Variants in OR6N1 observed in about 807,000 individuals in gnomAD.
OR6N1 encodes the protein olfactory receptor 6N1.
For synonymous variants in OR6N1, 170 were observed against 150.7 expected, an observed-to-expected ratio of 1.13 and a Z score of -0.94; for missense variants, 394 against 371.7, an observed-to-expected ratio of 1.06 and a Z score of -0.49.
At chr1:158,823,199 G>C in the OR6N1 span, among the ~76,000 whole-genome samples, 1 of 152,144 alleles carries the variant, frequency 6.6e-6, no homozygotes, top group Non-Finnish European at 1.5e-5. Flanking sequence ...CCAGGTTTTA[G>C]TATCAGGATG....
the OR6N1 span, among the ~76,000 whole-genome samples, chr1:158,811,764 C>T: frequency 8.4e-3 from 1,274 of 152,286 alleles, 9 homozygotes; most frequent in African/African-American, 0.026. Flanking sequence ...GATTTTCACA[C>T]GGATCACATC....
chr1:158,816,281 T>C, the OR6N1 span, among the ~76,000 whole-genome samples: 1 of 152,232 alleles, frequency 6.6e-6, no homozygotes. Flanking sequence ...TGAGCACCTC[T>C]TAAGTGTCAG....
chr1:158,792,066 C>A, the OR6N1 span, among the ~76,000 whole-genome samples: 1 of 152,162 alleles, frequency 6.6e-6, no homozygotes, highest in South Asian at 2.1e-4. Flanking sequence ...CTTTATAAAT[C>A]TGGGGACTCC....
At chr1:158,812,424 C>T in the OR6N1 span, among the ~76,000 whole-genome samples, 1 of 152,196 alleles carries the variant, frequency 6.6e-6, no homozygotes, top group Admixed American at 6.5e-5. Flanking sequence ...AATTTCTTCT[C>T]ATGAGATCTT....
rs769718365 is a variant in OR6N1, at chr1:158,766,134, A to G, written c.549T>C (p.Pro183=). 1.2e-6 allele frequency: 2 copies of G among 1,614,090 alleles called. No homozygotes were observed. Among genetic ancestry groups the G allele is most frequent in the East Asian group, 4.5e-5 (2 of 44,876 alleles). The part of the protein sequence containing the change: ...RIQHVFCDFP[P]VLSLACTDTS... ...TATCAGTGCAAGCCAAACTCAGCACAGGAGGGAAGTCACAAAAGACGTGCT... is the reference window on the plus strand; with the variant it reads ...TATCAGTGCAAGCCAAACTCAGCACGGGAGGGAAGTCACAAAAGACGTGCT... The change falls in exon 2 of 2, where the codon CCT becomes CCC. Residue 183 remains proline, a synonymous_variant. Transcript: ENST00000641846.
At chr1:158,830,478 A>G in the OR6N1 span, among the ~76,000 whole-genome samples, 1 of 152,168 alleles carries the variant, frequency 6.6e-6, no homozygotes, top group Non-Finnish European at 1.5e-5. Context: ...TTTTCCAGTC[A>G]TGACCACATT....
At chr1:158,833,002 T>C in the OR6N1 span, among the ~76,000 whole-genome samples, 1 of 152,130 alleles carries the variant, frequency 6.6e-6, no homozygotes, top group Non-Finnish European at 1.5e-5. Context: ...TTCTTATTTT[T>C]AAAAAATCTA....
the OR6N1 span, among the ~76,000 whole-genome samples, chr1:158,813,386 TTTG>T: frequency 6.6e-6 from 1 of 152,034 alleles, no homozygotes; most frequent in Non-Finnish European, 1.5e-5. Context: ...AAATGGGAGA[TTTG>T]TTAAATCTCC....
the OR6N1 span, among the ~76,000 whole-genome samples, chr1:158,790,768 A>T: frequency 2.0e-5 from 3 of 152,062 alleles, no homozygotes; most frequent in East Asian, 3.9e-4. Flanking sequence ...AATAGTATTA[A>T]TTTTTTTAAT....
chr1:158,791,808 CCTATCATATAGT>C, the OR6N1 span, among the ~76,000 whole-genome samples: 1 of 152,278 alleles, frequency 6.6e-6, no homozygotes, highest in South Asian at 2.1e-4. Flanking sequence ...TCTTTTCTGG[CCTATCATATAGT>C]CTAGCTTGGA....
the OR6N1 span, among the ~76,000 whole-genome samples, chr1:158,778,584 C>T: frequency 6.6e-6 from 1 of 152,190 alleles, no homozygotes; most frequent in African/African-American, 2.4e-5. Context: ...AGATGAGTGA[C>T]TGGTCAGATG....
chr1:158,767,866 T>A (rs1228364961), intron 1 of OR6N1, among the ~76,000 whole-genome samples: 1 of 152,234 alleles, frequency 6.6e-6, no homozygotes, highest in Non-Finnish European at 1.5e-5. Flanking sequence ...TAATTAGATT[T>A]ATACTACCAC....
chr1:158,791,111 A>T, the OR6N1 span, among the ~76,000 whole-genome samples: 1 of 152,226 alleles, frequency 6.6e-6, no homozygotes, highest in Non-Finnish European at 1.5e-5. Context: ...CCCTGGAATG[A>T]AACCAACTTG....
At chr1:158,804,484 G>A in the OR6N1 span, among the ~76,000 whole-genome samples, 1 of 152,208 alleles carries the variant, frequency 6.6e-6, no homozygotes, top group African/African-American at 2.4e-5. Context: ...TATTTGAGGA[G>A]AAAGGTGAGA....
In OR6N1 at chr1:158,769,469, A is replaced by AT. The variant is rs771132866; in HGVS notation, c.-19+2551dup. Among the ~76,000 whole-genome samples the AT allele has an allele frequency of 2.0e-5, 3 of 152,180 alleles. No individual in the cohort carries two copies. In the South Asian group the frequency reaches 6.2e-4, roughly 32 times the overall value. ...ATAAGTCACCATGCTTTGCCAGAAG[A>AT]TATAATTTTTATTTGAAGTGAAGAA... On this transcript the variant is annotated intron_variant, in intron 1 of 1. Transcript: ENST00000641846.
At chr1:158,819,478 T>G in the OR6N1 span, among the ~76,000 whole-genome samples, 2 of 152,186 alleles carry the variant, frequency 1.3e-5, no homozygotes, top group Non-Finnish European at 2.9e-5. Context: ...AAGTTTTTTT[T>G]GAACTATGAT....
At chr1:158,801,033 C>T in the OR6N1 span, among the ~76,000 whole-genome samples, 6 of 152,148 alleles carry the variant, frequency 3.9e-5, no homozygotes, top group Non-Finnish European at 7.3e-5. Flanking sequence ...TTGTTTTGCT[C>T]ATTCACTTCT....
intron 1 of OR6N1, among the ~76,000 whole-genome samples, chr1:158,767,078 A>G (rs1355801409): frequency 6.6e-6 from 1 of 152,216 alleles, no homozygotes; most frequent in Non-Finnish European, 1.5e-5. Context: ...CATCATTTAT[A>G]CTGATAATAT....
the OR6N1 span, among the ~76,000 whole-genome samples, chr1:158,794,591 G>A: frequency 0.077 from 11,787 of 152,144 alleles, 616 homozygotes; most frequent in African/African-American, 0.15. Context: ...CAGCTCTTAC[G>A]GGGATAAGAA....
Sources: gnomAD v4.1 joint callset for allele counts (sites outside exome capture counted in the v4.1 genomes callset) on GRCh38, gnomAD v4.1.1 for gene constraint, MANE v1.5 for transcripts, NCBI Gene and HGNC (gene_info 2026-07-23, HGNC 2026-07-21) for gene names.